The following GNA14 variants were observed in gnomAD, a reference collection of about 807,000 sequenced individuals.
GNA14 encodes the protein G protein subunit alpha 14.
A neutral mutation model predicts 42.0 loss-of-function variants in GNA14; 50 were observed. The ratio of observed to expected loss-of-function variants is 1.19; its 90% CI spans 0.95 to 1.51. GNA14 has a LOEUF of 1.51. Ranked by LOEUF, GNA14 falls within the 40% of genes most tolerant of loss-of-function variation. The probability of loss-of-function intolerance (pLI) is 0.00; values close to 1 mark genes in which losing one functional copy is unlikely to be tolerated. For synonymous variants in GNA14, 173 were observed against 163.1 expected, an observed-to-expected ratio of 1.06 and a Z score of -0.46; for missense variants, 473 against 446.2, an observed-to-expected ratio of 1.06 and a Z score of -0.54.
intron 1 of GNA14, among the ~76,000 whole-genome samples, chr9:77,560,286 C>CT (rs770870060): frequency 0.023 from 2,702 of 119,536 alleles, 148 homozygotes; most frequent in African/African-American, 0.067. Flanking sequence ...CCTCTCCAGT[C>CT]TTTTTTTTTT....
rs76842842 is a variant in GNA14 at position 77,428,710 on chromosome 9, C to T, written c.723+197G>A. On this transcript the variant is annotated intron_variant, in intron 5 of 6. Transcript: ENST00000341700. ...AAATGCAGATGCTGATGTAGTTGGTCGGGGTTGATTCAGTAAGACTGCATT... is the reference window on the plus strand; with the variant it reads ...AAATGCAGATGCTGATGTAGTTGGTTGGGGTTGATTCAGTAAGACTGCATT... 1.1e-3 allele frequency among the ~76,000 whole-genome samples: 175 copies of T among 152,226 alleles called. 1 individual carries two copies. Among genetic ancestry groups the T allele is most frequent in the Non-Finnish European group, 2.0e-3 (136 of 68,014 alleles).
chr9:77,470,527 A>G lies in GNA14; in HGVS notation c.310-36005T>C, dbSNP rs567404464. On this transcript the variant is annotated intron_variant, in intron 2 of 6. Transcript: ENST00000341700. Reference sequence around the variant, plus strand: ...AGCAGATTGGGGTATTAACATATCCACAAACACAACTAATTTATAACACAG... The same window carrying G: ...AGCAGATTGGGGTATTAACATATCCGCAAACACAACTAATTTATAACACAG... Among the ~76,000 whole-genome samples the G allele has an allele frequency of 3.9e-5, 6 of 152,308 alleles. No homozygotes were observed. In the South Asian group the frequency reaches 1.2e-3, roughly 32 times the overall value.
At chr9:77,487,287 G>T (rs1222101616) in intron 2 of GNA14, among the ~76,000 whole-genome samples, 2 of 152,068 alleles carry the variant, frequency 1.3e-5, no homozygotes, top group African/African-American at 4.8e-5. Context: ...ATTATTTTTG[G>T]ACTGCAGTTG....
At chr9:77,540,956 A>G (rs937426893) in intron 1 of GNA14, among the ~76,000 whole-genome samples, 7 of 152,058 alleles carry the variant, frequency 4.6e-5, no homozygotes, top group African/African-American at 1.7e-4. Context: ...TTTATATTCA[A>G]GGTTATTATT....
intron 2 of GNA14, among the ~76,000 whole-genome samples, chr9:77,515,548 T>G (rs1234179681): frequency 6.6e-6 from 1 of 152,226 alleles, no homozygotes; most frequent in East Asian, 1.9e-4. Flanking sequence ...TTATAATAAC[T>G]TGAGATTTCT....
intron 2 of GNA14, among the ~76,000 whole-genome samples, chr9:77,521,989 C>T (rs183793671): frequency 3.3e-5 from 5 of 152,224 alleles, no homozygotes; most frequent in East Asian, 3.9e-4. Context: ...TGCGCCACCA[C>T]GCCCGGCTAA....
chr9:77,615,545 G>A (rs892384498), intron 1 of GNA14, among the ~76,000 whole-genome samples: 1 of 151,936 alleles, frequency 6.6e-6, no homozygotes, highest in Non-Finnish European at 1.5e-5. Context: ...AAGGAGATGG[G>A]AACCTCCATC....
At chr9:77,488,973 C>A (rs971744299) in intron 2 of GNA14, among the ~76,000 whole-genome samples, 1 of 152,064 alleles carries the variant, frequency 6.6e-6, no homozygotes. Context: ...AATATACAAA[C>A]CGTCTGACCA....
At chr9:77,563,544 T>C (rs1315740185) in intron 1 of GNA14, among the ~76,000 whole-genome samples, 1 of 152,192 alleles carries the variant, frequency 6.6e-6, no homozygotes, top group Non-Finnish European at 1.5e-5. Flanking sequence ...AAAATATGCC[T>C]GATTCTTCAT....
chr9:77,540,604 ATC>A (rs2131775855), intron 1 of GNA14, among the ~76,000 whole-genome samples: 1 of 152,256 alleles, frequency 6.6e-6, no homozygotes, highest in African/African-American at 2.4e-5. Context: ...ACTGGAGTCT[ATC>A]TCTCTCTTTA....
intron 2 of GNA14, among the ~76,000 whole-genome samples, chr9:77,463,057 A>AG (rs1836142142): frequency 6.6e-6 from 1 of 152,124 alleles, no homozygotes; most frequent in South Asian, 2.1e-4. Flanking sequence ...AGATTAGGAG[A>AG]GGGGGTGTCA....
At chr9:77,624,498 G>A (rs906579832) in intron 1 of GNA14, among the ~76,000 whole-genome samples, 8 of 152,242 alleles carry the variant, frequency 5.3e-5, no homozygotes, top group Non-Finnish European at 5.9e-5. Context: ...AGCGGGGGTC[G>A]ACAGACACCT....
At chr9:77,476,915 T>C (rs1344564228) in intron 2 of GNA14, among the ~76,000 whole-genome samples, 9 of 152,076 alleles carry the variant, frequency 5.9e-5, no homozygotes, top group Non-Finnish European at 1.2e-4. Context: ...CTCAAGGCAG[T>C]GGGGTTGGCT....
chr9:77,434,778 T>C (rs1835616240), intron 2 of GNA14, among the ~76,000 whole-genome samples: 1 of 152,136 alleles, frequency 6.6e-6, no homozygotes, highest in Non-Finnish European at 1.5e-5. Flanking sequence ...TGCCCAGCCA[T>C]GTCCTGGGCC....
At chr9:77,498,435 G>A (rs1205135771) in intron 2 of GNA14, among the ~76,000 whole-genome samples, 11 of 151,248 alleles carry the variant, frequency 7.3e-5, no homozygotes, top group South Asian at 4.2e-4. Context: ...AAGAATTTGG[G>A]TCTGTTTTAT....
At chr9:77,490,683 G>T (rs1038880733) in intron 2 of GNA14, among the ~76,000 whole-genome samples, 2 of 152,198 alleles carry the variant, frequency 1.3e-5, no homozygotes, top group Non-Finnish European at 1.5e-5. Flanking sequence ...CGAGTGCGGG[G>T]CCTGCCAAGC....
At chr9:77,644,505 G>T (rs1449408861) in intron 1 of GNA14, among the ~76,000 whole-genome samples, 4 of 146,960 alleles carry the variant, frequency 2.7e-5, no homozygotes, top group African/African-American at 1.0e-4. Flanking sequence ...GCCATGTGAG[G>T]CCACAGTGAG....
chr9:77,455,534 C>T (rs1290628520), intron 2 of GNA14, among the ~76,000 whole-genome samples: 1 of 152,192 alleles, frequency 6.6e-6, no homozygotes, highest in Non-Finnish European at 1.5e-5. Flanking sequence ...GAATTCTGCC[C>T]AGCACATGGT....
At chr9:77,459,367 C>A (rs1158669803) in intron 2 of GNA14, among the ~76,000 whole-genome samples, 1 of 152,186 alleles carries the variant, frequency 6.6e-6, no homozygotes, top group Non-Finnish European at 1.5e-5. Flanking sequence ...AGCCCAAGCC[C>A]AGCCTGCCCT....
Sources: allele counts gnomAD v4.1 joint callset (sites outside exome capture counted in the v4.1 genomes callset), GRCh38; gene constraint gnomAD v4.1.1; transcripts MANE v1.5; gene names NCBI Gene and HGNC (gene_info 2026-07-23, HGNC 2026-07-21).